The following MRTFA variants were observed in gnomAD, a reference collection of about 807,000 sequenced individuals.
MRTFA encodes myocardin-related transcription factor A.
MRTFA carries 20 observed loss-of-function variants against 83.5 expected under a neutral mutation model. That is an observed-to-expected ratio of 0.24 (90% CI 0.17 to 0.35). The LOEUF (loss-of-function observed/expected upper bound fraction) is 0.35. Among genes scored for constraint, MRTFA ranks in the 10% least tolerant of loss-of-function variants. MRTFA has a pLI of 1.00. For missense variants in MRTFA, 1,200 were observed against 1,224.7 expected, an observed-to-expected ratio of 0.98 and a Z score of 0.30; for synonymous variants, 659 against 541.2, an observed-to-expected ratio of 1.22 and a Z score of -3.02.
chr22:40,430,342 G>C (rs570793008), intron 6 of MRTFA, among the ~76,000 whole-genome samples: 1 of 151,466 alleles, frequency 6.6e-6, no homozygotes, highest in African/African-American at 2.4e-5. Context: ...ACAAAAATTA[G>C]CCAGGCGTGG....
chr22:40,421,113 G>A lies in MRTFA; in HGVS notation c.928-13C>T, dbSNP rs376263646. The stretch of plus-strand genomic sequence containing the variant: ...TGGGTTGGCTTTGCTGAGGGCACAG[G>A]AGACAGGGTGCCATTCAGGGGCAGC... On this transcript the variant is annotated splice_polypyrimidine_tract_variant and intron_variant, in intron 9 of 14. Transcript: ENST00000355630. 4.4e-5 allele frequency: 66 copies of A among 1,516,374 alleles called. No individual in the cohort carries two copies. In the African/African-American group the frequency reaches 7.9e-4, roughly 18 times the overall value. The allele number at this position is 1,516,374 out of a possible 1,614,324, so 93.9% of individuals were successfully genotyped here.
chr22:40,426,176 C>T (rs572218950), intron 7 of MRTFA, among the ~76,000 whole-genome samples: 3 of 152,052 alleles, frequency 2.0e-5, no homozygotes, highest in Non-Finnish European at 1.5e-5. Flanking sequence ...CAGAACGGTC[C>T]GCTCCCCCTT....
intron 3 of MRTFA, among the ~76,000 whole-genome samples, chr22:40,493,307 C>T (rs1290438807): frequency 6.6e-6 from 1 of 152,230 alleles, no homozygotes; most frequent in Admixed American, 6.5e-5. Context: ...GTTCCTCACA[C>T]TTGAAAGCTA....
intron 2 of MRTFA, among the ~76,000 whole-genome samples, chr22:40,584,650 C>G (rs2056000555): frequency 6.6e-6 from 1 of 151,196 alleles, no homozygotes; most frequent in Admixed American, 6.6e-5. Context: ...GCAGGAGAAT[C>G]ACCCAGGAGG....
In MRTFA at chr22:40,420,975, C is replaced by G. The variant is rs2052825107; in HGVS notation, c.1053G>C (p.Gly351=). The change falls in exon 10 of 15, where the codon GGG becomes GGC. Residue 351 remains glycine (G), a synonymous_variant. Transcript: ENST00000355630. ...CGTAGGATGAGTCCATGGGGGGTGC[C>G]CCCCTGTCCTGCTTCTGGTCCGGGG... The G allele has an allele frequency of 6.2e-7, 1 of 1,611,128 alleles. No homozygotes were observed. Among genetic ancestry groups the G allele is most frequent in the Non-Finnish European group, 8.5e-7 (1 of 1,177,844 alleles).
rs1168946271 is a variant in MRTFA at position 40,420,835 on chromosome 22, G to A, written c.1181+12C>T. 3 of 1,613,046 alleles carry A rather than the reference G, an allele frequency of 1.9e-6. No individual in the cohort carries two copies. Among genetic ancestry groups the A allele is most frequent in the South Asian group, 2.2e-5 (2 of 91,076 alleles). ...GGAGGGCAGGGGCAGGCAGTGAGGA[G>A]CGGGTGCCTACTTTGGCGGGGCAGG... On this transcript the variant is annotated intron_variant, in intron 10 of 14. Coordinates refer to ENST00000355630, the MANE Select transcript of MRTFA (RefSeq NM_020831.6).
In MRTFA at chr22:40,616,133, C is replaced by T. The variant is rs2056447297; in HGVS notation, c.-84+20345G>A. 2.6e-5 allele frequency among the ~76,000 whole-genome samples: 4 copies of T among 152,176 alleles called. No individual in the cohort carries two copies. The South Asian group carries it at 6.2e-4, about 24-fold the overall frequency. On this transcript the variant is annotated intron_variant, in intron 1 of 14. Coordinates refer to ENST00000355630, the MANE Select transcript of MRTFA (RefSeq NM_020831.6). ...CAATTTAAAAATTCCAGACTTCTGG[C>T]TTCTTTTTGAAAAGAAATCAGAAGA...
chr22:40,488,020 T>A lies in MRTFA; in HGVS notation c.242-24734A>T, dbSNP rs188420692. Among the ~76,000 whole-genome samples the A allele has an allele frequency of 1.8e-4, 27 of 152,156 alleles. No homozygotes were observed. In the East Asian group the frequency reaches 5.2e-3, roughly 29 times the overall value. ...CACACATACAACCATCAAAACCACA[T>A]AAGCCCCTTGAGGAATCTATAAATA... On this transcript the variant is annotated intron_variant, in intron 3 of 14. Transcript: ENST00000355630.
Sources: gnomAD v4.1 joint callset for allele counts (sites outside exome capture counted in the v4.1 genomes callset) on GRCh38, gnomAD v4.1.1 for gene constraint, MANE v1.5 for transcripts, NCBI Gene and HGNC (gene_info 2026-07-23, HGNC 2026-07-21) for gene names.